The following PTK2B variants were observed in gnomAD, a reference collection of about 807,000 sequenced individuals.
PTK2B encodes protein tyrosine kinase 2 beta.
A neutral mutation model predicts 142.9 loss-of-function variants in PTK2B; 71 were observed. That is an observed-to-expected ratio of 0.50 (90% CI 0.41 to 0.61). PTK2B has a LOEUF of 0.61. PTK2B is among the 20% of genes least tolerant of loss of function. The pLI is 0.00. For synonymous variants in PTK2B, 519 were observed against 503.4 expected (o/e 1.03, Z -0.42); for missense variants, 1,105 against 1,320.4 (o/e 0.84, Z 2.53).
intron 1 of PTK2B, among the ~76,000 whole-genome samples, chr8:27,386,268 T>C (rs2131221239): frequency 6.6e-6 from 1 of 152,294 alleles, no homozygotes; most frequent in South Asian, 2.1e-4. Flanking sequence ...GCTAGGAACA[T>C]CTTTGTGCAA....
intron 1 of PTK2B, among the ~76,000 whole-genome samples, chr8:27,340,921 C>A (rs555502289): frequency 2.0e-5 from 3 of 152,324 alleles, no homozygotes; most frequent in Admixed American, 6.5e-5. Flanking sequence ...GGGGGGCAGA[C>A]AGAACAGACA....
intron 1 of PTK2B, among the ~76,000 whole-genome samples, chr8:27,342,129 A>C (rs575686536): frequency 6.6e-6 from 1 of 152,220 alleles, no homozygotes; most frequent in Admixed American, 6.5e-5. Flanking sequence ...GAGGTCCCCC[A>C]CAGGGATGTA....
chr8:27,434,569 C>T lies in PTK2B; in HGVS notation c.1192+10C>T, dbSNP rs754332726. 13 of 1,598,128 alleles carry T rather than the reference C, an allele frequency of 8.1e-6. 1 individual carries two copies. In the South Asian group the frequency reaches 1.5e-4, roughly 18 times the overall value. ...GAGAGCTGCAGCATAGGTGAGCTGC[C>T]CGCTGCATCCTCCACCTGCTCCAGT... On this transcript the variant is annotated intron_variant, in intron 13 of 30. Coordinates refer to ENST00000346049, the MANE Select transcript of PTK2B (RefSeq NM_173176.3).
In PTK2B at chr8:27,436,174, G is replaced by C. The variant is rs773698701; in HGVS notation, c.1244-77G>C. 4.3e-5 allele frequency: 61 copies of C among 1,405,726 alleles called. 1 individual carries two copies. In the Middle Eastern group the frequency reaches 9.4e-4, roughly 22 times the overall value. 87.1% of individuals were successfully genotyped at this position (1,405,726 alleles called of 1,614,324 possible). A position where few individuals can be genotyped will look rare whatever the true frequency, so the allele number is the denominator to read the frequency against. On this transcript the variant is annotated intron_variant, in intron 14 of 30. Transcript: ENST00000346049. ...ATAGATCTGGTGACGCCTGGCTTTA[G>C]AGCCTGCAGACACTCAGGTTCCCTA... is the stretch of plus-strand genomic sequence containing the variant.
intron 1 of PTK2B, among the ~76,000 whole-genome samples, chr8:27,387,542 C>A (rs1221616515): frequency 6.6e-6 from 1 of 152,164 alleles, no homozygotes; most frequent in African/African-American, 2.4e-5. Context: ...GGGTCTGCAC[C>A]ATGTGATAGG....
At chr8:27,325,853 G>A (rs1021097781) in intron 1 of PTK2B, among the ~76,000 whole-genome samples, 172 bp downstream of exon 1, 1 of 152,224 alleles carries the variant, frequency 6.6e-6, no homozygotes, top group Admixed American at 6.5e-5. Context: ...GCACATGCCC[G>A]GAGCTCGCCA....
chr8:27,437,171 C>T lies in PTK2B; in HGVS notation c.1391C>T (p.Thr464Ile). The T allele has an allele frequency of 6.2e-7, 1 of 1,614,016 alleles. No individual in the cohort carries two copies. Among genetic ancestry groups the T allele is most frequent in the Non-Finnish European group, 8.5e-7 (1 of 1,179,964 alleles). The change falls in exon 16 of 31, where the codon ACT (threonine) becomes ATT (isoleucine). Residue 464 changes from threonine (T) to isoleucine (I), a missense_variant. Coordinates refer to ENST00000346049, the MANE Select transcript of PTK2B (RefSeq NM_173176.3). ...VAVKTCKKDC[T>I]LDNKEKFMSE... ...GTCAAGACCTGCAAGAAAGACTGCA[C>T]TCTGGACAACAAGGAGAAGTTCATG...
chr8:27,331,701 G>A (rs1309373912), intron 1 of PTK2B, among the ~76,000 whole-genome samples: 1 of 152,038 alleles, frequency 6.6e-6, no homozygotes, highest in South Asian at 2.1e-4. Flanking sequence ...TAGCCAGGCT[G>A]GTCTCGAACT....
intron 1 of PTK2B, among the ~76,000 whole-genome samples, chr8:27,368,779 T>C (rs1189404661): frequency 6.6e-6 from 1 of 152,206 alleles, no homozygotes; most frequent in Non-Finnish European, 1.5e-5. Context: ...CCAGGAACAC[T>C]GACCACTCTT....
intron 30 of PTK2B, among the ~76,000 whole-genome samples, chr8:27,455,050 A>G (rs1473141613): frequency 6.6e-6 from 1 of 152,170 alleles, no homozygotes. Flanking sequence ...TTGGTGCTCC[A>G]TGAGATGGTT....
chr8:27,373,312 C>A (rs1317389696), intron 1 of PTK2B, among the ~76,000 whole-genome samples: 1 of 152,208 alleles, frequency 6.6e-6, no homozygotes. Flanking sequence ...ACACAGACTT[C>A]TCCAACAAGC....
intron 1 of PTK2B, among the ~76,000 whole-genome samples, chr8:27,336,785 G>T (rs538926533): frequency 1.3e-5 from 2 of 152,128 alleles, no homozygotes; most frequent in Admixed American, 1.3e-4. Flanking sequence ...AGTCCCTGTG[G>T]TCTAAAGAGA....
At chr8:27,335,031 G>A (rs1474443348) in intron 1 of PTK2B, among the ~76,000 whole-genome samples, 1 of 152,206 alleles carries the variant, frequency 6.6e-6, no homozygotes, top group Non-Finnish European at 1.5e-5. Flanking sequence ...AAGATGGGGA[G>A]GAGGAAAGAA....
At chr8:27,352,703 C>T (rs1053608922) in intron 1 of PTK2B, among the ~76,000 whole-genome samples, 1 of 152,158 alleles carries the variant, frequency 6.6e-6, no homozygotes, top group Non-Finnish European at 1.5e-5. Flanking sequence ...GTGAATATGT[C>T]TTGTGAGATC....
chr8:27,310,819 G>A (rs149979190), upstream of PTK2B: 337 of 1,604,144 alleles, frequency 2.1e-4, no homozygotes, highest in Non-Finnish European at 2.7e-4. Flanking sequence ...CGTGGGCAGT[G>A]TCCTTCACCG....
Position 27,454,222 on chromosome 8 carries a change from G to A in PTK2B, c.2664G>A (p.Val888=). 6.2e-7 allele frequency: 1 copy of A among 1,614,148 alleles called. No homozygotes were observed. The highest frequency in any genetic ancestry group is 8.5e-7 in the Non-Finnish European group (1 of 1,180,022). The change falls in exon 29 of 31, where the codon GTG becomes GTA. Residue 888 remains valine, a synonymous_variant. Transcript: ENST00000346049. ...DLVYLNVMEL[V]RAVLELKNEL... is the part of the protein sequence containing the mutation. ...TGTACCTCAATGTCATGGAGCTGGT[G>A]CGGGCCGTGCTGGAGCTCAAGAATG...
At chr8:27,333,620 C>T (rs1803887404) in intron 1 of PTK2B, among the ~76,000 whole-genome samples, 1 of 152,170 alleles carries the variant, frequency 6.6e-6, no homozygotes. Flanking sequence ...ATGAGAACAT[C>T]CATGAGAAAC....
chr8:27,425,041 A>G (rs1809992917), intron 5 of PTK2B, among the ~76,000 whole-genome samples: 1 of 152,082 alleles, frequency 6.6e-6, no homozygotes, highest in Non-Finnish European at 1.5e-5. Flanking sequence ...AATAGGAATG[A>G]TAATAGTAAC....
intron 1 of PTK2B, among the ~76,000 whole-genome samples, chr8:27,387,817 CTTT>C (rs60954097): frequency 5.5e-5 from 8 of 144,990 alleles, no homozygotes; most frequent in Non-Finnish European, 6.1e-5. Context: ...CTGGGGAAGG[CTTT>C]TTTTTTTTTT....
Sources: gnomAD v4.1 joint callset for allele counts (sites outside exome capture counted in the v4.1 genomes callset) on GRCh38, gnomAD v4.1.1 for gene constraint, MANE v1.5 for transcripts, NCBI Gene and HGNC (gene_info 2026-07-23, HGNC 2026-07-21) for gene names.